SNX30: variants seen among roughly 807,000 people sequenced by gnomAD.
SNX30 encodes sorting nexin family member 30.
A neutral mutation model predicts 46.4 loss-of-function variants in SNX30; 24 were observed. The ratio of observed to expected loss-of-function variants is 0.52; its 90% CI spans 0.37 to 0.73. The LOEUF (loss-of-function observed/expected upper bound fraction) is 0.73. SNX30 is among the 30% of genes least tolerant of loss of function. The probability of loss-of-function intolerance (pLI) is 0.00; values close to 1 mark genes in which losing one functional copy is unlikely to be tolerated. For missense variants in SNX30, 533 were observed against 555.7 expected, an observed-to-expected ratio of 0.96 and a Z score of 0.41; for synonymous variants, 189 against 211.5, an observed-to-expected ratio of 0.89 and a Z score of 0.92.
chr9:112,770,799 C>A lies in SNX30; in HGVS notation c.156+19642C>A, dbSNP rs559498079. Among the ~76,000 whole-genome samples, 180 of 152,178 alleles carry A rather than the reference C, an allele frequency of 1.2e-3. 1 individual carries two copies. The highest frequency in any genetic ancestry group is 4.1e-3 in the African/African-American group (169 of 41,552). The stretch of plus-strand genomic sequence containing the variant: ...GATCACGAGGTCAAGAGATAGAGAC[C>A]ATCCTGGCCAACATGGTGAAACCCC... On this transcript the variant is annotated intron_variant, in intron 1 of 8. Transcript: ENST00000374232.
At chr9:112,864,093 T>A (rs905254732) in intron 7 of SNX30, among the ~76,000 whole-genome samples, 154 bp from the exon 8 acceptor site, 1 of 152,220 alleles carries the variant, frequency 6.6e-6, no homozygotes, top group Non-Finnish European at 1.5e-5. Flanking sequence ...AAACCCAAGG[T>A]TTTGCTTTCA....
chr9:112,812,071 G>A (rs1460679943), intron 2 of SNX30, among the ~76,000 whole-genome samples: 1 of 152,054 alleles, frequency 6.6e-6, no homozygotes, highest in African/African-American at 2.4e-5. Flanking sequence ...TTGTGAGTGT[G>A]TTTTGCTAGC....
intron 6 of SNX30, among the ~76,000 whole-genome samples, chr9:112,840,876 T>G (rs1840846218): frequency 6.6e-6 from 1 of 151,712 alleles, no homozygotes; most frequent in Non-Finnish European, 1.5e-5. Flanking sequence ...GCCTCCCGGG[T>G]CCATGCCATT....
At chr9:112,834,357 C>G (rs1288032710) in intron 4 of SNX30, among the ~76,000 whole-genome samples, 1 of 152,196 alleles carries the variant, frequency 6.6e-6, no homozygotes, top group Non-Finnish European at 1.5e-5. Context: ...CAGCCAGCTT[C>G]AAGTTGGGCT....
chr9:112,777,755 A>G lies in SNX30; in HGVS notation c.156+26598A>G, dbSNP rs62576388. 5.1e-3 allele frequency among the ~76,000 whole-genome samples: 779 copies of G among 151,968 alleles called. 5 individuals are homozygous for G. Among genetic ancestry groups the G allele is most frequent in the Admixed American group, 0.011 (175 of 15,252 alleles). On this transcript the variant is annotated intron_variant, in intron 1 of 8. Transcript: ENST00000374232. ...GAGCCACCACACTTGGCCTCCATGT[A>G]ATCTTAATAGTATTAACAGCAACAG...
Position 112,770,164 on chromosome 9 carries a change from TTTAA to T in SNX30, c.156+19026_156+19029del, listed in dbSNP as rs755357910. On this transcript the variant is annotated intron_variant, in intron 1 of 8. Transcript: ENST00000374232. Reference sequence around the variant, plus strand: ...CGCATCATGTCTCTTGCTTTTTAAATTTAATTAATTAATTAATTAATTTTTGAGA... The same window carrying T: ...CGCATCATGTCTCTTGCTTTTTAAATTTAATTAATTAATTAATTTTTGAGA... Among the ~76,000 whole-genome samples the T allele has an allele frequency of 2.6e-5, 4 of 152,202 alleles. No individual in the cohort carries two copies. The East Asian group carries it at 7.7e-4, about 29-fold the overall frequency.
intron 4 of SNX30, 150 bp from the exon 5 acceptor site, chr9:112,836,064 C>T: frequency 2.8e-6 from 2 of 704,324 alleles, no homozygotes; most frequent in Non-Finnish European, 4.7e-6. Flanking sequence ...GGCCAGGTTC[C>T]TCCTGTGAAT....
intron 1 of SNX30, among the ~76,000 whole-genome samples, chr9:112,767,901 G>A (rs1839573050): frequency 6.6e-6 from 1 of 152,128 alleles, no homozygotes; most frequent in East Asian, 1.9e-4. Context: ...TGTCTGGCCA[G>A]CCACTGTTCT....
chr9:112,798,305 A>T (rs1202657314), intron 1 of SNX30, among the ~76,000 whole-genome samples: 1 of 55,678 alleles, frequency 1.8e-5, no homozygotes, highest in South Asian at 7.4e-4. Context: ...CAGTCCCCAG[A>T]GTGTGATATT....
chr9:112,750,793 CGGGCGCGGAGCGG>C lies in SNX30; in HGVS notation c.-201_-189del, dbSNP rs1043233136. On this transcript the variant is annotated 5_prime_UTR_variant, in exon 1 of 9. Coordinates refer to ENST00000374232, the MANE Select transcript of SNX30 (RefSeq NM_001012994.2). ...GCTGCCAGCGGACCCGCGGCGGGCT[CGGGCGCGGAGCGG>C]GGGCGCGCGGCGCGGAGCGGAGCGT... 3.1e-4 allele frequency: 60 copies of C among 196,152 alleles called. No homozygotes were observed. The highest frequency in any genetic ancestry group is 1.1e-3 in the African/African-American group (47 of 41,762). 12.2% of individuals were successfully genotyped at this position (196,152 alleles called of 1,614,324 possible). A position where few individuals can be genotyped will look rare whatever the true frequency, so the allele number is the denominator to read the frequency against.
intron 8 of SNX30, 71 bp from the exon 9 acceptor site, chr9:112,868,713 A>G (rs1459235105): frequency 1.3e-6 from 2 of 1,531,172 alleles, no homozygotes; most frequent in Admixed American, 1.7e-5. Context: ...AGGGTAGGTC[A>G]GAGCAGAATT....
intron 7 of SNX30, among the ~76,000 whole-genome samples, chr9:112,853,042 C>T (rs1841055826): frequency 6.6e-6 from 1 of 152,150 alleles, no homozygotes. Flanking sequence ...TGTTCTTTCC[C>T]CGTTTCGTGG....
intron 2 of SNX30, among the ~76,000 whole-genome samples, chr9:112,811,575 A>G (rs1161707669): frequency 1.3e-5 from 2 of 152,136 alleles, no homozygotes; most frequent in Non-Finnish European, 2.9e-5. Flanking sequence ...AAAAATTTCC[A>G]GGGATGTCTG....
downstream of SNX30, chr9:112,879,345 GA>G: frequency 1.2e-5 from 2 of 165,214 alleles, no homozygotes; most frequent in South Asian, 4.1e-4. Context: ...TCTCCCATGG[GA>G]CTTTCAGCAC....
At chr9:112,883,128 G>A (rs1212973304), downstream of SNX30, among the ~76,000 whole-genome samples, 3 of 152,220 alleles carry the variant, frequency 2.0e-5, no homozygotes, top group African/African-American at 7.2e-5. Flanking sequence ...GTGGAGTTGA[G>A]CAGGGGGAAC....
rs148829757 is a variant in SNX30 at position 112,846,400 on chromosome 9, G to A, written c.1015-4459G>A. On this transcript the variant is annotated intron_variant, in intron 6 of 8. Coordinates refer to ENST00000374232, the MANE Select transcript of SNX30 (RefSeq NM_001012994.2). ...TTCAGTGTTACCAACATTGCCCCAG[G>A]ACATCTAACTCGCAGGTGGTCCTGG... 4.2e-3 allele frequency among the ~76,000 whole-genome samples: 632 copies of A among 152,256 alleles called. 3 individuals carry two copies. Among genetic ancestry groups the A allele is most frequent in the Middle Eastern group, 0.02 (6 of 294 alleles).
At position 112,834,842 on chromosome 9, in the gene SNX30, AAACACAC is replaced by A. The variant is rs1564285718; in HGVS notation, c.619-1370_619-1364del. Among the ~76,000 whole-genome samples the A allele has an allele frequency of 9.4e-3, 1,010 of 107,384 alleles. 17 individuals are homozygous for A. Among genetic ancestry groups the A allele is most frequent in the African/African-American group, 0.032 (976 of 30,666 alleles). 70.4% of individuals were successfully genotyped at this position (107,384 alleles called of 152,430 possible). On this transcript the variant is annotated intron_variant, in intron 4 of 8. Transcript: ENST00000374232. ...CCGTGGATTAAACACACACACACAC[AAACACAC>A]ACACACACACACACACACACACACA... is the stretch of plus-strand genomic sequence containing the variant.
intron 3 of SNX30, among the ~76,000 whole-genome samples, chr9:112,826,181 G>C (rs1232732062): frequency 6.6e-6 from 1 of 152,128 alleles, no homozygotes; most frequent in Non-Finnish European, 1.5e-5. Flanking sequence ...CATGAAGTAA[G>C]AACAGGAAAA....
chr9:112,843,626 CTTTTTTTTT>C (rs35950913), intron 6 of SNX30, among the ~76,000 whole-genome samples: 1 of 105,218 alleles, frequency 9.5e-6, no homozygotes, highest in Non-Finnish European at 1.8e-5. Flanking sequence ...CCTGCAGTAG[CTTTTTTTTT>C]TTTTTTTTTT....
Sources: allele counts gnomAD v4.1 joint callset (sites outside exome capture counted in the v4.1 genomes callset), GRCh38; gene constraint gnomAD v4.1.1; transcripts MANE v1.5; gene names NCBI Gene and HGNC (gene_info 2026-07-23, HGNC 2026-07-21).